The following EP300 variants were observed in gnomAD, a reference collection of about 807,000 sequenced individuals.
EP300 encodes EP300 lysine acetyltransferase, also known as histone acetyltransferase p300.
EP300 carries 31 observed loss-of-function variants against 264.0 expected under a neutral mutation model. That is an observed-to-expected ratio of 0.12 (90% CI 0.09 to 0.16). The LOEUF is 0.16. Among genes scored for constraint, EP300 ranks in the 10% least tolerant of loss-of-function variants. The probability of loss-of-function intolerance (pLI) is 1.00; values close to 1 mark genes in which losing one functional copy is unlikely to be tolerated. For missense variants in EP300, 2,766 were observed against 3,052.9 expected, an observed-to-expected ratio of 0.91 and a Z score of 2.21; for synonymous variants, 1,340 against 1,045.4, an observed-to-expected ratio of 1.28 and a Z score of -5.44.
At chr22:41,164,015 G>C (rs369752724) in intron 21 of EP300, 38 bp from the exon 22 acceptor site, 2 of 1,594,634 alleles carry the variant, frequency 1.3e-6, no homozygotes, top group Non-Finnish European at 1.7e-6. Flanking sequence ...TTTGGTTAAG[G>C]TTTGGGGTTA....
chr22:41,140,251 C>T lies in EP300; in HGVS notation c.1872C>T (p.Asn624=). 1.2e-6 allele frequency: 2 copies of T among 1,600,576 alleles called. No individual in the cohort carries two copies. The highest frequency in any genetic ancestry group is 1.7e-6 in the Non-Finnish European group (2 of 1,167,636). Residue 624 remains asparagine, a synonymous_variant, in exon 9 of 31, where the codon AAC becomes AAT. Coordinates refer to ENST00000263253, the MANE Select transcript of EP300 (RefSeq NM_001429.4). ...KVEGDMYESA[N]NRAEYYHLLA... is the part of the protein sequence containing the mutation. ...AAGGGGACATGTATGAATCTGCAAA[C>T]AATCGAGTGAGTGTCTGGTTTTTTT...
At chr22:41,174,760 T>C (rs1197006203) in intron 29 of EP300, 1 of 152,116 alleles carries the variant, frequency 6.6e-6, no homozygotes, top group African/African-American at 2.4e-5. Context: ...GTAATTAAGT[T>C]GAGAGGGAAA....
chr22:41,133,198 C>T (rs1440599207), intron 6 of EP300, among the ~76,000 whole-genome samples: 3 of 138,032 alleles, frequency 2.2e-5, no homozygotes, highest in African/African-American at 5.2e-5. Context: ...GCTGTGTCAC[C>T]GAGGCTGGAG....
intron 16 of EP300, 85 bp from the exon 17 acceptor site, chr22:41,154,910 G>T: frequency 2.2e-6 from 2 of 893,528 alleles, no homozygotes; most frequent in African/African-American, 1.6e-5. Flanking sequence ...TTCTTGAGAT[G>T]CTTTTAGAGC....
intron 22 of EP300, 92 bp from the exon 23 acceptor site, chr22:41,166,507 C>G: frequency 1.0e-6 from 1 of 984,624 alleles, no homozygotes; most frequent in Non-Finnish European, 1.6e-6. Context: ...AGAAATACTT[C>G]TGCTAGATTG....
intron 1 of EP300, among the ~76,000 whole-genome samples, chr22:41,104,992 G>A (rs1418911717): frequency 2.6e-5 from 4 of 151,838 alleles, no homozygotes; most frequent in African/African-American, 7.3e-5. Context: ...GTGTAACCCC[G>A]TCTCTACTAA....
chr22:41,143,596 G>A (rs76583608), intron 10 of EP300, among the ~76,000 whole-genome samples: 1 of 144,412 alleles, frequency 6.9e-6, no homozygotes, highest in Admixed American at 6.9e-5. Flanking sequence ...TTTTTTTTTT[G>A]AAACAGTCTC....
Position 41,176,273 on chromosome 22 carries a change from T to G in EP300, c.4806T>G (p.Ala1602=). 3.1e-6 allele frequency: 5 copies of G among 1,614,238 alleles called. No homozygotes were observed. Among genetic ancestry groups the G allele is most frequent in the Non-Finnish European group, 4.2e-6 (5 of 1,180,044 alleles). ...TCTTCTTTGTGATCCGCCTCATTGC[T>G]GGCCCTGCTGCCAACTCCCTGCCTC... ...KEVFFVIRLI[A]GPAANSLPPI... Residue 1602 remains alanine, a synonymous_variant, in exon 30 of 31, where the codon GCT becomes GCG. Coordinates refer to ENST00000263253, the MANE Select transcript of EP300 (RefSeq NM_001429.4).
At chr22:41,129,558 G>A (rs1392189509) in intron 4 of EP300, among the ~76,000 whole-genome samples, 1 of 152,138 alleles carries the variant, frequency 6.6e-6, no homozygotes, top group Non-Finnish European at 1.5e-5. Context: ...TGTTCTTATA[G>A]GCATGTGTGT....
rs2145527160 is a variant in EP300 at position 41,179,602 on chromosome 22, G to GT, written c.*647dup. 4.7e-6 allele frequency: 1 copy of GT among 213,000 alleles called. No individual in the cohort carries two copies. Among genetic ancestry groups the GT allele is most frequent in the Admixed American group, 5.9e-5 (1 of 16,814 alleles). 13.2% of individuals were successfully genotyped at this position (213,000 alleles called of 1,614,324 possible). A position where few individuals can be genotyped will look rare whatever the true frequency, so the allele number is the denominator to read the frequency against. On this transcript the variant is annotated 3_prime_UTR_variant, in exon 31 of 31. Coordinates refer to ENST00000263253, the MANE Select transcript of EP300 (RefSeq NM_001429.4). ...TGTGCTCCAGAAAATTTTCTATTCT[G>GT]TAAGTCTGAGCGTAAAACTTCAAGT...
At chr22:41,171,833 G>A (rs1314654404) in intron 27 of EP300, among the ~76,000 whole-genome samples, 2 of 150,852 alleles carry the variant, frequency 1.3e-5, no homozygotes, top group East Asian at 2.0e-4. Flanking sequence ...GGCTGGTCTC[G>A]AACTCCTGAC....
chr22:41,166,799 T>C (rs1955249566), intron 23 of EP300, 133 bp downstream of exon 23: 3 of 583,882 alleles, frequency 5.1e-6, no homozygotes, highest in East Asian at 2.9e-5. Flanking sequence ...AATCTCCTTA[T>C]AGTTGATCTG....
At chr22:41,145,081 C>A (rs947750643) in intron 10 of EP300, among the ~76,000 whole-genome samples, 2 of 152,010 alleles carry the variant, frequency 1.3e-5, no homozygotes, top group African/African-American at 4.8e-5. Flanking sequence ...TGGCACTTGC[C>A]ATTTAGCTTG....
chr22:41,171,166 T>C (rs892890227), intron 27 of EP300, among the ~76,000 whole-genome samples: 2 of 146,912 alleles, frequency 1.4e-5, no homozygotes, highest in Admixed American at 7.0e-5. Context: ...GGGGGGAGGG[T>C]GGGGATAGAG....
intron 1 of EP300, among the ~76,000 whole-genome samples, chr22:41,107,602 T>C (rs1005697724): frequency 6.6e-6 from 1 of 152,224 alleles, no homozygotes; most frequent in Non-Finnish European, 1.5e-5. Context: ...ATTTTGAAGG[T>C]TATGCTTCAT....
chr22:41,105,198 G>GA (rs764225630), intron 1 of EP300, among the ~76,000 whole-genome samples: 136 of 60,926 alleles, frequency 2.2e-3, no homozygotes, highest in African/African-American at 6.9e-3. Flanking sequence ...CTCCATCTCA[G>GA]AAAAAAAAAA....
At chr22:41,113,157 A>AAC (rs2058802817) in intron 1 of EP300, among the ~76,000 whole-genome samples, 1 of 92,918 alleles carries the variant, frequency 1.1e-5, no homozygotes. Flanking sequence ...TCAGGATTCC[A>AAC]CCCCCCCCCC....
chr22:41,143,393 A>T (rs1331388084), intron 10 of EP300, among the ~76,000 whole-genome samples: 1 of 152,234 alleles, frequency 6.6e-6, no homozygotes, highest in African/African-American at 2.4e-5. Flanking sequence ...TCAAGGCTGC[A>T]GTGAGCTGTG....
At chr22:41,106,331 A>G (rs1406733636) in intron 1 of EP300, among the ~76,000 whole-genome samples, 1 of 152,190 alleles carries the variant, frequency 6.6e-6, no homozygotes, top group Non-Finnish European at 1.5e-5. Context: ...AATTAGAATG[A>G]CTAATGTTAT....
Sources: gnomAD v4.1 joint callset for allele counts (sites outside exome capture counted in the v4.1 genomes callset) on GRCh38, gnomAD v4.1.1 for gene constraint, MANE v1.5 for transcripts, NCBI Gene and HGNC (gene_info 2026-07-23, HGNC 2026-07-21) for gene names.